SHANK2: variants seen among roughly 807,000 people sequenced by gnomAD.
The protein encoded by SHANK2 is SH3 and multiple ankyrin repeat domains 2.
SHANK2 carries 43 observed loss-of-function variants against 133.7 expected under a neutral mutation model. That is an observed-to-expected ratio of 0.32 (90% CI 0.25 to 0.41). The LOEUF (loss-of-function observed/expected upper bound fraction) is 0.41, where lower values mean the gene tolerates loss of function less well. SHANK2 is among the 10% of genes least tolerant of loss of function. The pLI is 1.00. For synonymous variants in SHANK2, 1,017 were observed against 952.8 expected (o/e 1.07, Z -1.24); for missense variants, 1,994 against 2,235.8 (o/e 0.89, Z 2.18).
At position 71,153,390 on chromosome 11, in the gene SHANK2, G is replaced by A. The variant is rs184961863; in HGVS notation, c.-12-6052C>T. ...TGGCCCTCCTAGAGTAGCTACTAAC[G>A]AGGAGAAAAGAAAATCATCACAGTC... On this transcript the variant is annotated intron_variant, in intron 2 of 25. Transcript: ENST00000601538. Among the ~76,000 whole-genome samples, 21 of 152,200 alleles carry A rather than the reference G, an allele frequency of 1.4e-4. 1 individual carries two copies. The highest frequency in any genetic ancestry group is 1.2e-3 in the Admixed American group (19 of 15,294).
At chr11:70,749,887 G>T (rs1310129125) in intron 14 of SHANK2, among the ~76,000 whole-genome samples, 3 of 152,156 alleles carry the variant, frequency 2.0e-5, no homozygotes, top group Admixed American at 1.3e-4. Context: ...CTAAGGATTG[G>T]ATAATCACAG....
rs553324543 is a variant in SHANK2, at chr11:70,700,392, C to T, written c.1778-1629G>A. ...CAGTGCAGCCAGGGGCACCCTCTGC[C>T]CTCCACTCCATTGAATGCCACTCCT... On this transcript the variant is annotated intron_variant, in intron 14 of 25. Transcript: ENST00000601538. 3.8e-4 allele frequency among the ~76,000 whole-genome samples: 58 copies of T among 152,324 alleles called. 1 individual carries two copies. Among genetic ancestry groups the T allele is most frequent in the South Asian group, 6.2e-4 (3 of 4,830 alleles).
At position 70,599,919 on chromosome 11, in the gene SHANK2, G is replaced by GAA. The variant is rs782117589; in HGVS notation, c.2061+59907_2061+59908dup. Among the ~76,000 whole-genome samples the GAA allele has an allele frequency of 2.0e-3, 116 of 59,162 alleles. 2 individuals carry two copies. Among genetic ancestry groups the GAA allele is most frequent in the African/African-American group, 8.1e-3 (110 of 13,578 alleles). 38.8% of individuals were successfully genotyped at this position (59,162 alleles called of 152,430 possible). On this transcript the variant is annotated intron_variant, in intron 17 of 25. Coordinates refer to ENST00000601538, the MANE Select transcript of SHANK2 (RefSeq NM_012309.5). ...AAAGAAAGAAAGAGAAAGAAAGAAAGAAAGAAAGAAAGAAAGAAAGAAAGA... is the reference window on the plus strand; with the variant it reads ...AAAGAAAGAAAGAGAAAGAAAGAAAGAAAAAGAAAGAAAGAAAGAAAGAAAGA...
intron 10 of SHANK2, among the ~76,000 whole-genome samples, chr11:70,949,365 C>T (rs1054908023): frequency 2.0e-5 from 3 of 152,162 alleles, no homozygotes; most frequent in Non-Finnish European, 2.9e-5. Context: ...TCCCCGGGGG[C>T]GCATCATCTT....
chr11:70,517,234 GTGCAGCA>G (rs1314527682), intron 17 of SHANK2, among the ~76,000 whole-genome samples: 1 of 152,196 alleles, frequency 6.6e-6, no homozygotes, highest in Non-Finnish European at 1.5e-5. Context: ...CGGCGAGGAT[GTGCAGCA>G]ACCGGAATGC....
At chr11:70,780,969 A>G (rs1287140137) in intron 14 of SHANK2, among the ~76,000 whole-genome samples, 2 of 152,116 alleles carry the variant, frequency 1.3e-5, no homozygotes, top group Non-Finnish European at 2.9e-5. Flanking sequence ...ACAGTGACCT[A>G]CACGTTACTA....
intron 17 of SHANK2, among the ~76,000 whole-genome samples, chr11:70,576,508 G>A (rs2060118281): frequency 6.6e-6 from 1 of 152,176 alleles, no homozygotes; most frequent in African/African-American, 2.4e-5. Context: ...GTGGTGGTGG[G>A]TGCCTGCAGT....
chr11:70,701,097 G>C (rs79464312), intron 14 of SHANK2, among the ~76,000 whole-genome samples: 170 of 152,348 alleles, frequency 1.1e-3, no homozygotes, highest in African/African-American at 3.9e-3. Context: ...GCAGGATCCT[G>C]GCTGAAATCG....
intron 13 of SHANK2, among the ~76,000 whole-genome samples, chr11:70,803,173 A>G (rs892779974): frequency 4.6e-5 from 7 of 151,572 alleles, no homozygotes; most frequent in African/African-American, 1.5e-4. Context: ...CAAAACACAC[A>G]CTGCTATTTA....
chr11:70,534,739 C>T (rs1465498300), intron 17 of SHANK2, among the ~76,000 whole-genome samples: 2 of 152,206 alleles, frequency 1.3e-5, no homozygotes, highest in Admixed American at 1.3e-4. Flanking sequence ...CCATAAATGA[C>T]AGTGACACAG....
chr11:71,113,425 G>A, intron 4 of SHANK2, 61 bp from the exon 5 acceptor site: 3 of 1,454,962 alleles, frequency 2.1e-6, no homozygotes, highest in Non-Finnish European at 2.8e-6. Context: ...GTTGTTCAGA[G>A]GGAAAACGGG....
At chr11:70,614,634 C>A (rs543146172) in intron 17 of SHANK2, among the ~76,000 whole-genome samples, 1 of 152,300 alleles carries the variant, frequency 6.6e-6, no homozygotes, top group East Asian at 1.9e-4. Flanking sequence ...TTCTTAGCAG[C>A]CCTAAGAAAT....
intron 12 of SHANK2, among the ~76,000 whole-genome samples, chr11:70,816,267 C>T (rs1948395030): frequency 6.6e-6 from 1 of 152,230 alleles, no homozygotes; most frequent in Admixed American, 6.5e-5. Context: ...AAAACAGAGG[C>T]ACAGAACCAG....
chr11:70,665,519 T>C (rs11237113), intron 15 of SHANK2, among the ~76,000 whole-genome samples: 64,027 of 152,088 alleles, frequency 0.42, 15,087 homozygotes, highest in Non-Finnish European at 0.55. Flanking sequence ...GTCCTGTTTA[T>C]TCAGTAAAAC....
intron 17 of SHANK2, among the ~76,000 whole-genome samples, chr11:70,648,875 C>T (rs1359051034): frequency 3.3e-5 from 5 of 152,084 alleles, no homozygotes; most frequent in Non-Finnish European, 5.9e-5. Context: ...GCCATGTGCT[C>T]GGCTCTGGGT....
At chr11:70,599,306 C>T (rs2060444833) in intron 17 of SHANK2, among the ~76,000 whole-genome samples, 1 of 151,744 alleles carries the variant, frequency 6.6e-6, no homozygotes, top group Admixed American at 6.6e-5. Flanking sequence ...CTTAAAAAAC[C>T]AGTTTGAAAG....
intron 9 of SHANK2, among the ~76,000 whole-genome samples, chr11:71,066,798 A>G (rs1951068745): frequency 6.6e-6 from 1 of 152,180 alleles, no homozygotes; most frequent in African/African-American, 2.4e-5. Context: ...TCATTGGGAC[A>G]GGGCTGGAAC....
chr11:70,936,018 C>T (rs555924937), intron 10 of SHANK2, among the ~76,000 whole-genome samples: 16 of 152,286 alleles, frequency 1.1e-4, no homozygotes, highest in Middle Eastern at 3.4e-3. Flanking sequence ...TGGAGGCCTG[C>T]GGCTGAGGTC....
At chr11:71,212,826 C>T (rs569942010) in intron 2 of SHANK2, among the ~76,000 whole-genome samples, 136 of 152,278 alleles carry the variant, frequency 8.9e-4, no homozygotes, top group African/African-American at 3.2e-3. Context: ...TTCCCCATTT[C>T]CCTCACTGGG....
Sources: gnomAD v4.1 joint callset for allele counts (sites outside exome capture counted in the v4.1 genomes callset) on GRCh38, gnomAD v4.1.1 for gene constraint, MANE v1.5 for transcripts, NCBI Gene and HGNC (gene_info 2026-07-23, HGNC 2026-07-21) for gene names.